The following SLC44A5 variants were observed in gnomAD, a reference collection of about 807,000 sequenced individuals.
SLC44A5 encodes solute carrier family 44 member 5, also known as choline transporter-like protein 5.
In SLC44A5, 57 loss-of-function variants were observed where a neutral mutation model predicts 101.8. The ratio of observed to expected loss-of-function variants is 0.56; its 90% CI spans 0.45 to 0.70. The LOEUF is 0.70. Among genes scored for constraint, SLC44A5 ranks in the 30% least tolerant of loss-of-function variants. The pLI is 0.00. For missense variants in SLC44A5, 737 were observed against 853.1 expected (o/e 0.86, Z 1.70); for synonymous variants, 281 against 290.9 (o/e 0.97, Z 0.35).
the SLC44A5 span, among the ~76,000 whole-genome samples, chr1:75,678,382 G>A: frequency 3.9e-5 from 6 of 152,146 alleles, no homozygotes; most frequent in African/African-American, 1.4e-4. Context: ...TTTGAAGAGA[G>A]CAGTGGTTCT....
intron 2 of SLC44A5, among the ~76,000 whole-genome samples, chr1:75,481,925 T>A (rs1419908853): frequency 6.6e-6 from 1 of 152,188 alleles, no homozygotes; most frequent in African/African-American, 2.4e-5. Flanking sequence ...ACTGGGTATA[T>A]ACCCAAAGGA....
At chr1:75,444,551 A>G (rs775091581) in intron 2 of SLC44A5, among the ~76,000 whole-genome samples, 10 of 151,474 alleles carry the variant, frequency 6.6e-5, no homozygotes, top group Non-Finnish European at 1.0e-4. Context: ...CATAGGAATA[A>G]GGAAAAATTT....
chr1:75,586,867 T>G (rs1318341931), intron 1 of SLC44A5, among the ~76,000 whole-genome samples: 1 of 151,682 alleles, frequency 6.6e-6, no homozygotes, highest in Non-Finnish European at 1.5e-5. Flanking sequence ...TGAAATAGAG[T>G]AAATTACTCC....
intron 9 of SLC44A5, among the ~76,000 whole-genome samples, chr1:75,241,159 C>CT (rs534116542): frequency 6.0e-5 from 9 of 151,230 alleles, no homozygotes; most frequent in East Asian, 2.0e-4. Flanking sequence ...TAATGTAAAG[C>CT]TTTTTTTTGT....
the SLC44A5 span, among the ~76,000 whole-genome samples, chr1:75,651,205 T>C: frequency 6.6e-6 from 1 of 152,154 alleles, no homozygotes; most frequent in South Asian, 2.1e-4. Flanking sequence ...CTATGCTAAA[T>C]TGTGTACCTA....
chr1:75,392,466 C>T (rs1030186039), intron 3 of SLC44A5, among the ~76,000 whole-genome samples: 15 of 151,198 alleles, frequency 9.9e-5, no homozygotes, highest in African/African-American at 3.6e-4. Flanking sequence ...CCATCTCACA[C>T]CAGTGAGAGT....
intron 6 of SLC44A5, among the ~76,000 whole-genome samples, chr1:75,261,669 T>C (rs1650517741): frequency 6.6e-6 from 1 of 152,156 alleles, no homozygotes; most frequent in African/African-American, 2.4e-5. Flanking sequence ...AATCATTTTA[T>C]GAAGCCAGCA....
At chr1:75,448,694 A>C (rs555042616) in intron 2 of SLC44A5, among the ~76,000 whole-genome samples, 9 of 152,262 alleles carry the variant, frequency 5.9e-5, no homozygotes, top group Non-Finnish European at 1.3e-4. Context: ...GTTTTGCTAC[A>C]ATAACCTCCT....
At chr1:75,606,672 A>C (rs1267461556) in intron 1 of SLC44A5, among the ~76,000 whole-genome samples, 1 of 151,868 alleles carries the variant, frequency 6.6e-6, no homozygotes, top group Non-Finnish European at 1.5e-5. Flanking sequence ...CCACCACTTC[A>C]CCTGGGCTGT....
At chr1:75,523,055 G>A (rs1159921717) in intron 2 of SLC44A5, among the ~76,000 whole-genome samples, 1 of 152,130 alleles carries the variant, frequency 6.6e-6, no homozygotes, top group Non-Finnish European at 1.5e-5. Flanking sequence ...TAAGTTGCAT[G>A]TTTCTATTCA....
intron 20 of SLC44A5, 56 bp downstream of exon 20, chr1:75,214,549 G>GTAAT (rs1350737092): frequency 1.5e-6 from 2 of 1,367,518 alleles, no homozygotes; most frequent in Non-Finnish European, 2.1e-6. Context: ...TGTAAAGGAT[G>GTAAT]TAATGCTCAA....
At chr1:75,423,365 A>G (rs1030329734) in intron 2 of SLC44A5, among the ~76,000 whole-genome samples, 3 of 152,242 alleles carry the variant, frequency 2.0e-5, no homozygotes, top group African/African-American at 7.2e-5. Flanking sequence ...TGAATCTTCT[A>G]TCAACTCAGC....
At chr1:75,632,774 C>G in the SLC44A5 span, among the ~76,000 whole-genome samples, 1 of 152,124 alleles carries the variant, frequency 6.6e-6, no homozygotes, top group Non-Finnish European at 1.5e-5. Context: ...AGTCCTTCTG[C>G]TTCTGGCTCA....
At chr1:75,375,364 C>T (rs1660507691) in intron 3 of SLC44A5, among the ~76,000 whole-genome samples, 1 of 152,196 alleles carries the variant, frequency 6.6e-6, no homozygotes, top group Non-Finnish European at 1.5e-5. Flanking sequence ...GTGTGACTCA[C>T]TGGCATGTCT....
At chr1:75,699,309 C>A in the SLC44A5 span, among the ~76,000 whole-genome samples, 1 of 152,090 alleles carries the variant, frequency 6.6e-6, no homozygotes, top group Non-Finnish European at 1.5e-5. Flanking sequence ...GATCTCTCGG[C>A]AGAAACTCTA....
chr1:75,541,897 G>A (rs1236663419), intron 1 of SLC44A5, among the ~76,000 whole-genome samples: 2 of 152,044 alleles, frequency 1.3e-5, no homozygotes, highest in African/African-American at 4.8e-5. Flanking sequence ...ATGTTTTGCT[G>A]CCACACTGAT....
the SLC44A5 span, among the ~76,000 whole-genome samples, chr1:75,688,887 C>A: frequency 6.6e-6 from 1 of 152,164 alleles, no homozygotes; most frequent in African/African-American, 2.4e-5. Context: ...TGAAGAATTT[C>A]ATCTAGTTCA....
chr1:75,437,598 A>G (rs1170194598), intron 2 of SLC44A5, among the ~76,000 whole-genome samples: 1 of 152,146 alleles, frequency 6.6e-6, no homozygotes, highest in Non-Finnish European at 1.5e-5. Flanking sequence ...AATTTCATGA[A>G]GAGTGGCTTC....
At chr1:75,512,957 C>A (rs1191910371) in intron 2 of SLC44A5, among the ~76,000 whole-genome samples, 1 of 152,160 alleles carries the variant, frequency 6.6e-6, no homozygotes, top group Admixed American at 6.5e-5. Context: ...ACTTTTTCAT[C>A]CATTATCTTA....
Sources: gnomAD v4.1 joint callset for allele counts (sites outside exome capture counted in the v4.1 genomes callset) on GRCh38, gnomAD v4.1.1 for gene constraint, MANE v1.5 for transcripts, NCBI Gene and HGNC (gene_info 2026-07-23, HGNC 2026-07-21) for gene names.